The following TENM2 variants were observed in gnomAD, a reference collection of about 807,000 sequenced individuals.
The protein encoded by TENM2 is teneurin-2.
A neutral mutation model predicts 245.2 loss-of-function variants in TENM2; 52 were observed. The observed-to-expected ratio is 0.21, with a 90% CI of 0.17 to 0.27. The LOEUF (loss-of-function observed/expected upper bound fraction) is 0.27, where lower values mean the gene tolerates loss of function less well. Among genes scored for constraint, TENM2 ranks in the 10% least tolerant of loss-of-function variants. The probability of loss-of-function intolerance (pLI) is 1.00; values close to 1 mark genes in which losing one functional copy is unlikely to be tolerated. For synonymous variants in TENM2, 1,363 were observed against 1,438.9 expected, an observed-to-expected ratio of 0.95 and a Z score of 1.19; for missense variants, 3,046 against 3,666.8, an observed-to-expected ratio of 0.83 and a Z score of 4.37.
chr5:168,226,225 A>G, exon 24 of TENM2: 2 of 1,613,376 alleles, frequency 1.2e-6, no homozygotes, highest in Non-Finnish European at 8.5e-7. Context: ...GTCATCACCA[A>G]CCTCTCTTCA....
chr5:167,280,756 GTCTATCTATCTATCTATCTA>G (rs70976408), upstream of TENM2, among the ~76,000 whole-genome samples: 70 of 145,982 alleles, frequency 4.8e-4, 1 homozygote, highest in Non-Finnish European at 2.5e-4. Context: ...CTATCTGTCT[GTCTATCTATCTATCTATCTA>G]TCTATCTATC....
intron 27 of TENM2, 139 bp downstream of exon 29, chr5:168,248,510 A>G (rs986680182): frequency 1.2e-6 from 1 of 840,874 alleles, no homozygotes; most frequent in African/African-American, 1.7e-5. Flanking sequence ...AGTTGGCAGC[A>G]CTACAGAGTC....
chr5:168,141,757 A>G (rs1158114154), intron 12 of TENM2, among the ~76,000 whole-genome samples: 2 of 152,168 alleles, frequency 1.3e-5, no homozygotes, highest in African/African-American at 2.4e-5. Context: ...GCCTTGGGAG[A>G]AACCAACTTG....
chr5:168,056,920 G>A (rs1199357949), intron 6 of TENM2, among the ~76,000 whole-genome samples: 2 of 152,018 alleles, frequency 1.3e-5, no homozygotes, highest in Non-Finnish European at 2.9e-5. Context: ...ATACCATATA[G>A]CCTAGGTATG....
chr5:168,220,152 C>T (rs946246019), intron 23 of TENM2, among the ~76,000 whole-genome samples: 2 of 152,174 alleles, frequency 1.3e-5, no homozygotes, highest in South Asian at 2.1e-4. Flanking sequence ...AGGGTACCAT[C>T]CGAGTGCTGT....
intron 9 of TENM2, among the ~76,000 whole-genome samples, chr5:168,104,392 A>C (rs1459989991): frequency 1.3e-5 from 2 of 152,116 alleles, no homozygotes; most frequent in Non-Finnish European, 2.9e-5. Flanking sequence ...CTCATCACAA[A>C]TTCGCATTCA....
intron 1 of TENM2, among the ~76,000 whole-genome samples, chr5:167,374,623 T>C (rs944420445): frequency 7.2e-5 from 11 of 152,078 alleles, no homozygotes; most frequent in African/African-American, 2.7e-4. Context: ...ACCCAGGTCT[T>C]CTAGCTGCCA....
the TENM2 span, among the ~76,000 whole-genome samples, chr5:167,019,086 C>T: frequency 1.3e-5 from 2 of 152,148 alleles, no homozygotes; most frequent in Admixed American, 1.3e-4. Flanking sequence ...ACTCATTCAT[C>T]TCTTTACTTT....
At chr5:167,283,591 CTA>C (rs1771176624), upstream of TENM2, among the ~76,000 whole-genome samples, 1 of 152,178 alleles carries the variant, frequency 6.6e-6, no homozygotes, top group Non-Finnish European at 1.5e-5. Context: ...GGGTTCAAAA[CTA>C]TAGATCTGCT....
chr5:167,650,533 T>TA (rs1754386564), intron 2 of TENM2, among the ~76,000 whole-genome samples: 9 of 152,194 alleles, frequency 5.9e-5, no homozygotes, highest in African/African-American at 1.9e-4. Flanking sequence ...ATACAGTTGA[T>TA]TTTATTTGTA....
At chr5:167,563,832 G>C (rs991437103) in intron 2 of TENM2, among the ~76,000 whole-genome samples, 1 of 152,176 alleles carries the variant, frequency 6.6e-6, no homozygotes, top group African/African-American at 2.4e-5. Context: ...GTAACATGCT[G>C]TACCGGTTTG....
intron 6 of TENM2, among the ~76,000 whole-genome samples, chr5:168,051,313 T>C (rs1789066965): frequency 6.6e-6 from 1 of 152,168 alleles, no homozygotes; most frequent in African/African-American, 2.4e-5. Context: ...CTGCCTGTTT[T>C]TATAAATCAA....
intron 3 of TENM2, among the ~76,000 whole-genome samples, chr5:167,929,221 G>A (rs1176494575): frequency 6.8e-6 from 1 of 147,622 alleles, no homozygotes; most frequent in African/African-American, 2.5e-5. Context: ...AAGGAAGGGA[G>A]GGATGGAGGG....
intron 2 of TENM2, among the ~76,000 whole-genome samples, chr5:167,486,826 C>T (rs1308609588): frequency 6.6e-6 from 1 of 152,026 alleles, no homozygotes; most frequent in Non-Finnish European, 1.5e-5. Flanking sequence ...GAAAGATGAG[C>T]TTTAATCGAA....
rs1320925745 is a variant in TENM2, at chr5:167,779,504, G to A, written c.503-96482G>A. Among the ~76,000 whole-genome samples the A allele has an allele frequency of 2.0e-5, 3 of 152,154 alleles. No homozygotes were observed. The East Asian group carries it at 5.8e-4, about 29-fold the overall frequency. On this transcript the variant is annotated intron_variant, in intron 2 of 28. Coordinates refer to ENST00000518659, the Ensembl canonical transcript of TENM2. ...AGATCCCAAAATGCACTTCTATGGT[G>A]TCTAAAATTTCACAAAATTACGTGG...
At chr5:167,333,251 T>C (rs1390949161) in intron 1 of TENM2, among the ~76,000 whole-genome samples, 3 of 152,172 alleles carry the variant, frequency 2.0e-5, no homozygotes, top group African/African-American at 7.2e-5. Context: ...AACACTCTTA[T>C]TGCTTCAGGA....
intron 7 of TENM2, among the ~76,000 whole-genome samples, chr5:168,067,652 T>C (rs1189370528): frequency 2.6e-5 from 4 of 152,162 alleles, no homozygotes; most frequent in African/African-American, 9.7e-5. Flanking sequence ...AACCTGCACA[T>C]GGTTTCAATT....
chr5:167,109,073 A>G, the TENM2 span, among the ~76,000 whole-genome samples: 2 of 152,188 alleles, frequency 1.3e-5, no homozygotes. Context: ...TTAACGGATA[A>G]TTGAGAGGAA....
the TENM2 span, among the ~76,000 whole-genome samples, chr5:167,213,329 G>A: frequency 1.3e-5 from 2 of 152,188 alleles, no homozygotes; most frequent in African/African-American, 4.8e-5. Flanking sequence ...TGGAGGCTGG[G>A]AAGTACAAGA....
Sources: allele counts gnomAD v4.1 joint callset (sites outside exome capture counted in the v4.1 genomes callset), GRCh38; gene constraint gnomAD v4.1.1; transcripts MANE v1.5; gene names NCBI Gene and HGNC (gene_info 2026-07-23, HGNC 2026-07-21).